Variants in KCNH1 observed in about 807,000 individuals in gnomAD.
KCNH1 encodes voltage-gated delayed rectifier potassium channel KCNH1.
In KCNH1, 27 loss-of-function variants were observed where a neutral mutation model predicts 69.2. The ratio of observed to expected loss-of-function variants is 0.39; its 90% CI spans 0.29 to 0.54. The LOEUF (loss-of-function observed/expected upper bound fraction) is 0.54, where lower values mean the gene tolerates loss of function less well. Ranked by LOEUF, KCNH1 falls within the 20% of genes least tolerant of loss-of-function variation. The pLI is 0.68. For missense variants in KCNH1, 798 were observed against 1,261.6 expected (o/e 0.63, Z 5.57); for synonymous variants, 456 against 487.7 (o/e 0.93, Z 0.86).
At chr1:210,920,138 C>A in intron 6 of KCNH1, 69 bp from the exon 7 acceptor site, 1 of 1,379,260 alleles carries the variant, frequency 7.3e-7, no homozygotes, top group South Asian at 1.3e-5. Flanking sequence ...CTCCGCCCCA[C>A]TTGGGCCATT....
intron 10 of KCNH1, among the ~76,000 whole-genome samples, chr1:210,724,150 A>G (rs1212588000): frequency 3.3e-5 from 5 of 152,206 alleles, no homozygotes; most frequent in African/African-American, 1.2e-4. Flanking sequence ...TTCAGGCAAG[A>G]AAAAATAAGA....
At chr1:211,027,615 C>T (rs1219609407) in intron 5 of KCNH1, among the ~76,000 whole-genome samples, 1 of 150,002 alleles carries the variant, frequency 6.7e-6, no homozygotes, top group South Asian at 2.1e-4. Context: ...AAAAAAAAAG[C>T]AAAATGAAGA....
intron 2 of KCNH1, among the ~76,000 whole-genome samples, chr1:211,104,264 A>C (rs939631265): frequency 3.3e-5 from 5 of 152,206 alleles, no homozygotes; most frequent in Admixed American, 3.3e-4. Flanking sequence ...GGAGGGTTTT[A>C]AGCAAAGGAG....
chr1:210,980,080 T>C (rs1488645409), intron 6 of KCNH1, among the ~76,000 whole-genome samples: 5 of 152,226 alleles, frequency 3.3e-5, no homozygotes, highest in Non-Finnish European at 5.9e-5. Context: ...AAATATGCTT[T>C]TTCCTTCTAT....
At chr1:210,700,793 T>G (rs899538040) in intron 10 of KCNH1, among the ~76,000 whole-genome samples, 1 of 152,180 alleles carries the variant, frequency 6.6e-6, no homozygotes, top group Non-Finnish European at 1.5e-5. Context: ...TGGCTCAGGT[T>G]ATAGTTTGCT....
At chr1:211,117,264 C>A (rs1691599886) in intron 1 of KCNH1, among the ~76,000 whole-genome samples, 1 of 152,174 alleles carries the variant, frequency 6.6e-6, no homozygotes, top group Non-Finnish European at 1.5e-5. Context: ...TCATTATAAC[C>A]AGTTAAGATT....
intron 6 of KCNH1, among the ~76,000 whole-genome samples, chr1:210,938,048 C>T (rs1325326102): frequency 6.6e-6 from 1 of 152,220 alleles, no homozygotes; most frequent in African/African-American, 2.4e-5. Context: ...TGGAATGACC[C>T]TTGGTCATGT....
Position 211,001,472 on chromosome 1 carries a change from C to T in KCNH1, c.1032+17311G>A, listed in dbSNP as rs548777145. 1.7e-4 allele frequency among the ~76,000 whole-genome samples: 26 copies of T among 152,026 alleles called. No individual in the cohort carries two copies. In the East Asian group the frequency reaches 4.6e-3, roughly 27 times the overall value. On this transcript the variant is annotated intron_variant, in intron 6 of 10. Coordinates refer to ENST00000271751, the MANE Select transcript of KCNH1 (RefSeq NM_172362.3). ...ATCAAAACCACAATGAGATACCATC[C>T]CACACCAGTTAGAATGGCGATCATT...
At chr1:210,794,907 T>C (rs1186590019) in intron 9 of KCNH1, among the ~76,000 whole-genome samples, 2 of 152,150 alleles carry the variant, frequency 1.3e-5, no homozygotes, top group African/African-American at 4.8e-5. Context: ...GTATTAAAGG[T>C]AGTGAAAAAT....
At chr1:211,071,935 A>G (rs1316017445) in intron 5 of KCNH1, among the ~76,000 whole-genome samples, 1 of 152,172 alleles carries the variant, frequency 6.6e-6, no homozygotes, top group Admixed American at 6.5e-5. Context: ...GAGGAAAAAA[A>G]AACCCACCAA....
chr1:211,017,366 G>A (rs541055405), intron 6 of KCNH1, among the ~76,000 whole-genome samples: 13 of 152,240 alleles, frequency 8.5e-5, no homozygotes, highest in South Asian at 2.1e-4. Context: ...TCCTTTCAAC[G>A]TTCTCAAGCC....
chr1:210,998,077 G>C (rs1482455619), intron 6 of KCNH1, among the ~76,000 whole-genome samples: 1 of 152,158 alleles, frequency 6.6e-6, no homozygotes, highest in Non-Finnish European at 1.5e-5. Flanking sequence ...TGTAAAGACT[G>C]TCAAGGCTAG....
chr1:210,718,749 A>G (rs2149024771), intron 10 of KCNH1, among the ~76,000 whole-genome samples: 1 of 150,388 alleles, frequency 6.6e-6, no homozygotes, highest in South Asian at 2.1e-4. Context: ...CTGGCAGCAC[A>G]TCTCAGTTCT....
At position 210,892,319 on chromosome 1, in the gene KCNH1, A is replaced by G. The variant is rs531218643; in HGVS notation, c.1462+27321T>C. On this transcript the variant is annotated intron_variant, in intron 7 of 10. Coordinates refer to ENST00000271751, the MANE Select transcript of KCNH1 (RefSeq NM_172362.3). Reference sequence around the variant, plus strand: ...AGCCTCATTGCTTTTGCCTATCAGTACCTTCTTCCAGGTTTAGTCTTTCCC... The same window carrying G: ...AGCCTCATTGCTTTTGCCTATCAGTGCCTTCTTCCAGGTTTAGTCTTTCCC... Among the ~76,000 whole-genome samples, 23 of 152,052 alleles carry G rather than the reference A, an allele frequency of 1.5e-4. 1 individual carries two copies. In the South Asian group the frequency reaches 4.4e-3, roughly 29 times the overall value.
intron 9 of KCNH1, among the ~76,000 whole-genome samples, chr1:210,794,980 A>G (rs1440236543): frequency 1.3e-5 from 2 of 152,190 alleles, no homozygotes; most frequent in Non-Finnish European, 2.9e-5. Context: ...ATTTATACAC[A>G]GTTGAATCTC....
At chr1:210,828,770 G>C (rs910840816) in intron 7 of KCNH1, among the ~76,000 whole-genome samples, 1 of 152,112 alleles carries the variant, frequency 6.6e-6, no homozygotes, top group Non-Finnish European at 1.5e-5. Flanking sequence ...AAGATCCCTG[G>C]GGCTCCACTC....
At chr1:210,816,586 G>T (rs1300740270) in intron 7 of KCNH1, among the ~76,000 whole-genome samples, 1 of 152,190 alleles carries the variant, frequency 6.6e-6, no homozygotes, top group East Asian at 1.9e-4. Context: ...CAACCATTTA[G>T]TTACAACGCA....
At chr1:210,976,156 TG>T (rs1371232186) in intron 6 of KCNH1, among the ~76,000 whole-genome samples, 22 of 152,064 alleles carry the variant, frequency 1.4e-4, no homozygotes, top group African/African-American at 5.3e-4. Flanking sequence ...TTGGTGGGAC[TG>T]TAAACGAGTT....
chr1:211,000,731 C>G (rs966870571), intron 6 of KCNH1, among the ~76,000 whole-genome samples: 1 of 152,140 alleles, frequency 6.6e-6, no homozygotes, highest in Non-Finnish European at 1.5e-5. Flanking sequence ...AAGAACAAAG[C>G]TGGAGGCATC....
Sources: allele counts gnomAD v4.1 joint callset (sites outside exome capture counted in the v4.1 genomes callset), GRCh38; gene constraint gnomAD v4.1.1; transcripts MANE v1.5; gene names NCBI Gene and HGNC (gene_info 2026-07-23, HGNC 2026-07-21).